MYH11: variants seen among roughly 807,000 people sequenced by gnomAD.
The protein encoded by MYH11 is myosin heavy chain 11, also known as myosin-11.
In MYH11, 80 loss-of-function variants were observed where a neutral mutation model predicts 246.6. The observed-to-expected ratio is 0.32, with a 90% CI of 0.27 to 0.39. MYH11 has a LOEUF of 0.39. Ranked by LOEUF, MYH11 falls within the 10% of genes least tolerant of loss-of-function variation. The probability of loss-of-function intolerance (pLI) is 1.00; values close to 1 mark genes in which losing one functional copy is unlikely to be tolerated. For missense variants in MYH11, 2,158 were observed against 2,546.8 expected, an observed-to-expected ratio of 0.85 and a Z score of 3.29; for synonymous variants, 1,071 against 1,015.5, an observed-to-expected ratio of 1.05 and a Z score of -1.04.
chr16:15,815,674 GCCACTAAGTGT>G (rs2043246113), intron 3 of MYH11, among the ~76,000 whole-genome samples: 1 of 152,102 alleles, frequency 6.6e-6, no homozygotes, highest in Admixed American at 6.6e-5. Context: ...GATTAATTGG[GCCACTAAGTGT>G]CCAGGATAAC....
intron 3 of MYH11, 74 bp downstream of exon 3, chr16:15,823,181 T>C (rs958825177): frequency 3.7e-6 from 6 of 1,602,120 alleles, no homozygotes; most frequent in Non-Finnish European, 5.1e-6. Context: ...TCCACATTCC[T>C]GGCAAGAACT....
At chr16:15,712,976 C>G (rs1161466868) in intron 40 of MYH11, 1 of 149,682 alleles carries the variant, frequency 6.7e-6, no homozygotes, top group African/African-American at 2.5e-5. Context: ...GCCTCAGCCT[C>G]CTGAGTAGCT....
chr16:15,815,057 CAA>C (rs2043232989), intron 3 of MYH11, among the ~76,000 whole-genome samples: 1 of 152,116 alleles, frequency 6.6e-6, no homozygotes, highest in South Asian at 2.1e-4. Flanking sequence ...AGCCCATGAA[CAA>C]AAGACTGAAA....
intron 20 of MYH11, 88 bp downstream of exon 20, chr16:15,745,041 G>T: frequency 9.7e-7 from 1 of 1,031,250 alleles, no homozygotes; most frequent in Non-Finnish European, 1.5e-6. Flanking sequence ...ACCCACTTGC[G>T]ACCACCTCCT....
intron 8 of MYH11, among the ~76,000 whole-genome samples, chr16:15,775,312 G>A (rs1247053219): frequency 6.6e-6 from 1 of 152,192 alleles, no homozygotes; most frequent in African/African-American, 2.4e-5. Flanking sequence ...AAGTTTTATT[G>A]TAACACAGTG....
At chr16:15,843,519 T>C (rs2044109087) in intron 1 of MYH11, among the ~76,000 whole-genome samples, 1 of 144,958 alleles carries the variant, frequency 6.9e-6, no homozygotes, top group South Asian at 2.2e-4. Flanking sequence ...CAAAACCCTG[T>C]CTCTACTAAA....
In MYH11 at chr16:15,736,627, C is replaced by A. The variant is rs192712664; in HGVS notation, c.3293+822G>T. Among the ~76,000 whole-genome samples, 4 of 152,262 alleles carry A rather than the reference C, an allele frequency of 2.6e-5. No homozygotes were observed. In the East Asian group the frequency reaches 7.7e-4, roughly 29 times the overall value. On this transcript the variant is annotated intron_variant, in intron 25 of 40. Transcript: ENST00000300036. Reference sequence around the variant, plus strand: ...CTGCCCCAGAGAGATGCTTTCCCTTCATCACCGTAGCACTGTCAACATAGC... The same window carrying A: ...CTGCCCCAGAGAGATGCTTTCCCTTAATCACCGTAGCACTGTCAACATAGC...
At chr16:15,705,241 C>G (rs1217877194) in intron 40 of MYH11, among the ~76,000 whole-genome samples, 1 of 152,208 alleles carries the variant, frequency 6.6e-6, no homozygotes, top group Non-Finnish European at 1.5e-5. Flanking sequence ...CTTAGCCTCT[C>G]AAAGTGTTGG....
At chr16:15,761,085 G>GATTT (rs1404546551) in intron 10 of MYH11, among the ~76,000 whole-genome samples, 8 of 152,098 alleles carry the variant, frequency 5.3e-5, no homozygotes, top group African/African-American at 1.2e-4. Context: ...GAGATAGATA[G>GATTT]ATTTATTTAT....
intron 3 of MYH11, among the ~76,000 whole-genome samples, chr16:15,822,551 C>T (rs1479329139): frequency 6.6e-6 from 1 of 151,950 alleles, no homozygotes; most frequent in Non-Finnish European, 1.5e-5. Context: ...AACAAAAAAA[C>T]CCACCTTTTT....
intron 9 of MYH11, among the ~76,000 whole-genome samples, chr16:15,767,330 C>T (rs138890201): frequency 2.7e-4 from 41 of 152,226 alleles, no homozygotes; most frequent in African/African-American, 9.4e-4. Context: ...GTAGTACCTG[C>T]TTCGTGAAGT....
intron 15 of MYH11, among the ~76,000 whole-genome samples, chr16:15,751,117 GGT>G (rs1491550591): frequency 3.2e-5 from 4 of 126,574 alleles, no homozygotes. Flanking sequence ...ACAAAAAGTA[GGT>G]ATTATTATTA....
intron 11 of MYH11, among the ~76,000 whole-genome samples, 181 bp downstream of exon 11, chr16:15,760,359 T>C (rs928545012): frequency 6.6e-6 from 1 of 151,526 alleles, no homozygotes; most frequent in East Asian, 1.9e-4. Context: ...AATGGATGGA[T>C]GGATGGATGG....
chr16:15,842,775 AAAAAAAAAAAAAAAAG>A lies in MYH11; in HGVS notation c.-17-4522_-17-4507del, dbSNP rs1470933456. On this transcript the variant is annotated intron_variant, in intron 1 of 40. Coordinates refer to ENST00000300036, the MANE Select transcript of MYH11 (RefSeq NM_002474.3). ...CAAGACTTCATCCAAAAAAAAAAAAAAAAAAAAAAAAAAAAGGGCAGAGAAATGAGGAAATCCCATC... is the reference window on the plus strand; with the variant it reads ...CAAGACTTCATCCAAAAAAAAAAAAAGGCAGAGAAATGAGGAAATCCCATC... Among the ~76,000 whole-genome samples the A allele has an allele frequency of 2.5e-3, 367 of 148,438 alleles. 3 individuals carry two copies. Among genetic ancestry groups the A allele is most frequent in the African/African-American group, 8.6e-3 (341 of 39,456 alleles).
At chr16:15,831,914 C>T (rs916970790) in intron 2 of MYH11, among the ~76,000 whole-genome samples, 3 of 151,142 alleles carry the variant, frequency 2.0e-5, no homozygotes, top group Non-Finnish European at 2.9e-5. Context: ...CTCCAGCCTG[C>T]GTGACAGAGC....
chr16:15,833,413 G>A (rs67350723), intron 2 of MYH11, among the ~76,000 whole-genome samples: 102,491 of 146,274 alleles, frequency 0.7, 36,367 homozygotes, highest in African/African-American at 0.81. Flanking sequence ...GGAAGGAAGG[G>A]AGGAACGAAC....
intron 12 of MYH11, among the ~76,000 whole-genome samples, chr16:15,758,740 C>G (rs553743004): frequency 6.6e-6 from 1 of 150,786 alleles, no homozygotes; most frequent in Non-Finnish European, 1.5e-5. Context: ...GCGGAGGTTG[C>G]GGTGAGCCAA....
At chr16:15,826,536 C>T (rs1199885161) in intron 2 of MYH11, among the ~76,000 whole-genome samples, 2 of 151,694 alleles carry the variant, frequency 1.3e-5, no homozygotes, top group Non-Finnish European at 2.9e-5. Context: ...TTGCAGTAAG[C>T]CGTGATTGTG....
chr16:15,772,002 G>T (rs2042113028), intron 8 of MYH11, among the ~76,000 whole-genome samples: 1 of 151,650 alleles, frequency 6.6e-6, no homozygotes, highest in Non-Finnish European at 1.5e-5. Flanking sequence ...TGGAGGAAGG[G>T]ATGCCTTTAC....
Sources: allele counts gnomAD v4.1 joint callset (sites outside exome capture counted in the v4.1 genomes callset), GRCh38; gene constraint gnomAD v4.1.1; transcripts MANE v1.5; gene names NCBI Gene and HGNC (gene_info 2026-07-23, HGNC 2026-07-21).